PRMT7: variants seen among roughly 807,000 people sequenced by gnomAD.
PRMT7 encodes protein arginine N-methyltransferase 7.
In PRMT7, 75 loss-of-function variants were observed where a neutral mutation model predicts 85.4. The ratio of observed to expected loss-of-function variants is 0.88; its 90% confidence interval spans 0.73 to 1.06. The LOEUF (loss-of-function observed/expected upper bound fraction) is 1.06. PRMT7 is among the 50% of genes least tolerant of loss of function. PRMT7 has a pLI of 0.00. For missense variants in PRMT7, 868 were observed against 915.2 expected (o/e 0.95, Z 0.67); for synonymous variants, 397 against 359.5 (o/e 1.10, Z -1.18).
At chr16:68,344,368 G>A (rs542008946) in intron 9 of PRMT7, among the ~76,000 whole-genome samples, 2 of 152,302 alleles carry the variant, frequency 1.3e-5, no homozygotes, top group Admixed American at 6.5e-5. Flanking sequence ...ATCACTCATG[G>A]TCCTCCCTTT....
chr16:68,311,178 G>A (rs2043583067), intron 1 of PRMT7, 79 bp downstream of exon 1: 9 of 604,402 alleles, frequency 1.5e-5, no homozygotes, highest in South Asian at 3.6e-5. Context: ...TTGGCACCAG[G>A]GTTTCGGCAG....
intron 2 of PRMT7, chr16:68,315,217 T>A (rs1207878230): frequency 6.6e-6 from 1 of 152,124 alleles, no homozygotes; most frequent in Non-Finnish European, 1.5e-5. Flanking sequence ...TGCGTACCCC[T>A]CCTTGATCCC....
At chr16:68,347,027 G>T (rs1241726443) in intron 11 of PRMT7, among the ~76,000 whole-genome samples, 184 bp from the exon 12 acceptor site, 1 of 152,134 alleles carries the variant, frequency 6.6e-6, no homozygotes, top group Non-Finnish European at 1.5e-5. Flanking sequence ...CTGGGGACAG[G>T]TGGGGAGATG....
At chr16:68,329,399 G>A in intron 6 of PRMT7, 1 of 356,808 alleles carries the variant, frequency 2.8e-6, no homozygotes, top group Admixed American at 4.1e-5. Context: ...CAGCAATGGA[G>A]ACGCAAACAA....
At chr16:68,347,065 G>A in intron 11 of PRMT7, 146 bp from the exon 12 acceptor site, 1 of 670,400 alleles carries the variant, frequency 1.5e-6, no homozygotes, top group South Asian at 1.7e-5. Context: ...TTTGTGGCTG[G>A]GGGTGGTTAC....
intron 6 of PRMT7, among the ~76,000 whole-genome samples, chr16:68,332,593 CTG>C (rs1016589337): frequency 2.6e-5 from 4 of 152,022 alleles, no homozygotes; most frequent in Admixed American, 6.6e-5. Context: ...GAGTATTACC[CTG>C]TGTGTGTGTG....
intron 6 of PRMT7, among the ~76,000 whole-genome samples, chr16:68,331,609 AG>A (rs2083919353): frequency 6.6e-6 from 1 of 151,728 alleles, no homozygotes; most frequent in African/African-American, 2.4e-5. Context: ...CTGGGACCAC[AG>A]GCTCATGCCA....
intron 9 of PRMT7, among the ~76,000 whole-genome samples, chr16:68,344,807 A>C (rs182118778): frequency 6.6e-6 from 1 of 152,172 alleles, no homozygotes; most frequent in African/African-American, 2.4e-5. Flanking sequence ...TATTTTGAAA[A>C]ATTATATATC....
At chr16:68,331,263 A>G (rs1413840338) in intron 6 of PRMT7, among the ~76,000 whole-genome samples, 1 of 148,396 alleles carries the variant, frequency 6.7e-6, no homozygotes, top group East Asian at 2.0e-4. Context: ...ATTCTTCCAC[A>G]CTGTTCATGT....
downstream of PRMT7, chr16:68,358,950 GGCCTGGGGGCC>G (rs1366113837): frequency 6.6e-6 from 1 of 152,624 alleles, no homozygotes; most frequent in Admixed American, 6.5e-5. Context: ...GGTGTGCGGG[GGCCTGGGGGCC>G]GCACATCCTT....
chr16:68,339,302 T>G lies in PRMT7; in HGVS notation c.505-20T>G, dbSNP rs775089206. The G allele has an allele frequency of 1.2e-6, 2 of 1,611,338 alleles. No homozygotes were observed. The highest frequency in any genetic ancestry group is 3.3e-5 in the Admixed American group (2 of 59,960). On this transcript the variant is annotated intron_variant, in intron 7 of 18. Coordinates refer to ENST00000441236, the MANE Select transcript of PRMT7 (RefSeq NM_019023.5). ...TAAGCATCTGATTTTTGTTTGGTTTTGTTTTTAATATAAACTTAGGAAAAT... is the reference window on the plus strand; with the variant it reads ...TAAGCATCTGATTTTTGTTTGGTTTGGTTTTTAATATAAACTTAGGAAAAT...
intron 1 of PRMT7, 60 bp downstream of exon 1, chr16:68,311,159 A>G: frequency 1.6e-6 from 1 of 634,590 alleles, no homozygotes; most frequent in Non-Finnish European, 2.9e-6. Context: ...TGCAGCGAGC[A>G]TGGTGTCCTT....
chr16:68,331,479 T>C (rs949060958), intron 6 of PRMT7, among the ~76,000 whole-genome samples: 3 of 151,148 alleles, frequency 2.0e-5, no homozygotes, highest in African/African-American at 7.3e-5. Flanking sequence ...CTTTTTTTTT[T>C]TTTTTTGAGA....
intron 9 of PRMT7, among the ~76,000 whole-genome samples, chr16:68,340,581 TAAA>T (rs34764923): frequency 2.0e-4 from 29 of 142,692 alleles, no homozygotes; most frequent in Non-Finnish European, 2.4e-4. Flanking sequence ...AACCTGTCTC[TAAA>T]AAAAAAAAAA....
Position 68,356,766 on chromosome 16 carries a change from GCACTGGCCT to G in PRMT7, c.1879_1887del (p.Thr627_Leu629del). ...CACCTGACCCCGGAGTGCACGCTCA[GCACTGGCCT>G]CCTGGAGCCTGCAGACCCCGAGGTA... On this transcript the variant is annotated inframe_deletion, in exon 18 of 19. Coordinates refer to ENST00000441236, the MANE Select transcript of PRMT7 (RefSeq NM_019023.5). 6.2e-7 allele frequency: 1 copy of G among 1,610,792 alleles called. No individual in the cohort carries two copies. Among genetic ancestry groups the G allele is most frequent in the South Asian group, 1.1e-5 (1 of 90,764 alleles).
In PRMT7 at chr16:68,346,226, T is replaced by C; in HGVS notation, c.1137T>C (p.Phe379=). The change falls in exon 11 of 19, where the codon TTT becomes TTC. Residue 379 remains phenylalanine, a synonymous_variant. Transcript: ENST00000441236. ...QAHLLWNRPR[F]GEINDQDRTD... ...ACCTGCTCTGGAACCGGCCTCGGTTTGGAGAGATCAATGACCAGGACAGAA... is the reference window on the plus strand; with the variant it reads ...ACCTGCTCTGGAACCGGCCTCGGTTCGGAGAGATCAATGACCAGGACAGAA... 3 of 1,614,176 alleles carry C rather than the reference T, an allele frequency of 1.9e-6. No individual in the cohort carries two copies. The highest frequency in any genetic ancestry group is 1.7e-6 in the Non-Finnish European group (2 of 1,180,026).
At chr16:68,324,555 C>T in intron 4 of PRMT7, 128 bp from the exon 5 acceptor site, 4 of 1,162,068 alleles carry the variant, frequency 3.4e-6, no homozygotes, top group Non-Finnish European at 4.9e-6. Context: ...GCTGTTCTGC[C>T]AGGGGCCAGA....
chr16:68,315,808 C>G lies in PRMT7; in HGVS notation c.-83-89C>G, dbSNP rs564307577. Reference sequence around the variant, plus strand: ...TTCCCCGCTTTTGTCTCCCCTTCCCCCCTCCACATTTTGGGGCATTGTGCT... The same window carrying G: ...TTCCCCGCTTTTGTCTCCCCTTCCCGCCTCCACATTTTGGGGCATTGTGCT... On this transcript the variant is annotated intron_variant, in intron 2 of 18. Transcript: ENST00000441236. 2.2e-5 allele frequency: 14 copies of G among 628,522 alleles called. No homozygotes were observed. The South Asian group carries it at 2.5e-4, about 11-fold the overall frequency. 38.9% of individuals were successfully genotyped at this position (628,522 alleles called of 1,614,324 possible). A position where few individuals can be genotyped will look rare whatever the true frequency, so the allele number is the denominator to read the frequency against.
downstream of PRMT7, chr16:68,359,116 G>A (rs1164598137): frequency 6.6e-6 from 1 of 152,578 alleles, no homozygotes. Flanking sequence ...TGCCTGGGTG[G>A]GGAAGCTATG....
Sources: gnomAD v4.1 joint callset for allele counts (sites outside exome capture counted in the v4.1 genomes callset) on GRCh38, gnomAD v4.1.1 for gene constraint, MANE v1.5 for transcripts, NCBI Gene and HGNC (gene_info 2026-07-23, HGNC 2026-07-21) for gene names.